The following SPATS2 variants were observed in gnomAD, a reference collection of about 807,000 sequenced individuals.
SPATS2 encodes spermatogenesis associated serine rich 2.
SPATS2 carries 38 observed loss-of-function variants against 63.7 expected under a neutral mutation model. That is an observed-to-expected ratio of 0.60 (90% CI 0.46 to 0.78). The LOEUF (loss-of-function observed/expected upper bound fraction) is 0.78, where lower values mean the gene tolerates loss of function less well. Among genes scored for constraint, SPATS2 ranks in the 30% least tolerant of loss-of-function variants. SPATS2 has a pLI of 0.00. For synonymous variants in SPATS2, 207 were observed against 232.9 expected (o/e 0.89, Z 1.01); for missense variants, 588 against 666.2 (o/e 0.88, Z 1.29).
At chr12:49,376,697 G>C (rs567727023) in intron 2 of SPATS2, among the ~76,000 whole-genome samples, 6 of 149,344 alleles carry the variant, frequency 4.0e-5, no homozygotes, top group Non-Finnish European at 1.5e-5. Flanking sequence ...GTACCTGGCC[G>C]GTGTTTTGTT....
chr12:49,477,700 T>C (rs887254686), intron 3 of SPATS2, among the ~76,000 whole-genome samples: 9 of 152,206 alleles, frequency 5.9e-5, no homozygotes, highest in Admixed American at 3.3e-4. Flanking sequence ...TAGCACACTA[T>C]AGTAATATTA....
chr12:49,455,254 T>G (rs1417278484), intron 2 of SPATS2, among the ~76,000 whole-genome samples: 1 of 152,242 alleles, frequency 6.6e-6, no homozygotes, highest in African/African-American at 2.4e-5. Flanking sequence ...TGTTGGGAAC[T>G]GCCTTCAAAG....
At chr12:49,518,036 A>C (rs1242702851) in intron 10 of SPATS2, among the ~76,000 whole-genome samples, 1 of 152,212 alleles carries the variant, frequency 6.6e-6, no homozygotes, top group Admixed American at 6.5e-5. Flanking sequence ...TAGTTAGTTA[A>C]TATTCAGCTG....
At chr12:49,409,432 A>G (rs1298385624) in intron 2 of SPATS2, among the ~76,000 whole-genome samples, 1 of 151,676 alleles carries the variant, frequency 6.6e-6, no homozygotes, top group South Asian at 2.1e-4. Context: ...CAGCCTCCCG[A>G]GTAGTTGGGA....
intron 2 of SPATS2, among the ~76,000 whole-genome samples, chr12:49,444,843 A>T (rs1945483664): frequency 6.7e-6 from 1 of 150,156 alleles, no homozygotes; most frequent in African/African-American, 2.5e-5. Flanking sequence ...ATCTCTGGTG[A>T]TCCACCGGCC....
chr12:49,462,649 A>AT, intron 3 of SPATS2: 1 of 584,938 alleles, frequency 1.7e-6, no homozygotes, highest in Non-Finnish European at 3.0e-6. Flanking sequence ...AATGCGGGAG[A>AT]TTTTATTGCT....
intron 2 of SPATS2, among the ~76,000 whole-genome samples, chr12:49,413,030 C>T (rs145650226): frequency 1.2e-4 from 18 of 151,924 alleles, no homozygotes; most frequent in Non-Finnish European, 2.4e-4. Context: ...TTGAACTTCC[C>T]GAGTCTCAGG....
intron 1 of SPATS2, among the ~76,000 whole-genome samples, chr12:49,369,731 C>T (rs1247883512): frequency 6.6e-6 from 1 of 152,150 alleles, no homozygotes; most frequent in African/African-American, 2.4e-5. Flanking sequence ...CTAAAAACAT[C>T]TTTTTGCTTA....
chr12:49,509,361 A>AC (rs1257114032), intron 9 of SPATS2, among the ~76,000 whole-genome samples: 3 of 142,124 alleles, frequency 2.1e-5, no homozygotes, highest in Non-Finnish European at 4.5e-5. Flanking sequence ...GCTCACTGCA[A>AC]CCCCTGCCTC....
chr12:49,484,322 G>T (rs145104384), intron 3 of SPATS2, among the ~76,000 whole-genome samples: 1 of 152,160 alleles, frequency 6.6e-6, no homozygotes, highest in Non-Finnish European at 1.5e-5. Flanking sequence ...AATTAACAAC[G>T]ATATCAAGGA....
chr12:49,390,046 AG>A (rs750812879), intron 2 of SPATS2: 9 of 998,400 alleles, frequency 9.0e-6, no homozygotes, highest in Non-Finnish European at 1.4e-5. Context: ...CAAAGGCGTT[AG>A]AGAGATCCTA....
intron 3 of SPATS2, among the ~76,000 whole-genome samples, chr12:49,468,362 G>A (rs1249157705): frequency 6.6e-6 from 1 of 151,950 alleles, no homozygotes; most frequent in East Asian, 1.9e-4. Context: ...GTTTCACCAT[G>A]TTGGCCAGGC....
chr12:49,416,660 T>G (rs1944894795), intron 2 of SPATS2, among the ~76,000 whole-genome samples: 1 of 151,964 alleles, frequency 6.6e-6, no homozygotes, highest in Admixed American at 6.6e-5. Flanking sequence ...TTTTTTTGAA[T>G]TTTTAGTAGA....
At chr12:49,475,301 T>C (rs1026636036) in intron 3 of SPATS2, among the ~76,000 whole-genome samples, 12 of 152,250 alleles carry the variant, frequency 7.9e-5, no homozygotes, top group African/African-American at 2.9e-4. Flanking sequence ...GCTTAAGTTG[T>C]ATGAATTATA....
intron 2 of SPATS2, chr12:49,441,595 TTACC>T (rs1197903244): frequency 6.6e-6 from 1 of 152,222 alleles, no homozygotes; most frequent in African/African-American, 2.4e-5. Context: ...CAAAATCCAA[TTACC>T]TTTTTTCTTT....
At chr12:49,370,883 T>C (rs1473598381) in intron 1 of SPATS2, among the ~76,000 whole-genome samples, 1 of 152,146 alleles carries the variant, frequency 6.6e-6, no homozygotes, top group Non-Finnish European at 1.5e-5. Flanking sequence ...CAGTTAACTT[T>C]TGTATTTTTT....
intron 2 of SPATS2, among the ~76,000 whole-genome samples, chr12:49,411,556 G>T (rs1250579599): frequency 6.6e-6 from 1 of 152,052 alleles, no homozygotes; most frequent in East Asian, 1.9e-4. Flanking sequence ...AATATTCAAA[G>T]AATCATATCT....
intron 2 of SPATS2, chr12:49,389,528 A>G: frequency 1.1e-6 from 1 of 932,948 alleles, no homozygotes; most frequent in Non-Finnish European, 1.8e-6. Flanking sequence ...GAGTTGCACA[A>G]TTGAGAAGGC....
intron 9 of SPATS2, among the ~76,000 whole-genome samples, chr12:49,503,604 G>A (rs1011630157): frequency 6.6e-6 from 1 of 151,080 alleles, no homozygotes; most frequent in African/African-American, 2.4e-5. Context: ...AGCCAAGATC[G>A]CGCCACTGCA....
Sources: allele counts gnomAD v4.1 joint callset (sites outside exome capture counted in the v4.1 genomes callset), GRCh38; gene constraint gnomAD v4.1.1; transcripts MANE v1.5; gene names NCBI Gene and HGNC (gene_info 2026-07-23, HGNC 2026-07-21).